PID1: variants seen among roughly 807,000 people sequenced by gnomAD.
PID1 encodes phosphotyrosine interaction domain containing 1, also known as PTB-containing, cubilin and LRP1-interacting protein.
A neutral mutation model predicts 19.1 loss-of-function variants in PID1; 10 were observed. The observed-to-expected ratio is 0.52, with a 90% confidence interval of 0.32 to 0.89. The LOEUF (loss-of-function observed/expected upper bound fraction) is 0.89. Ranked by LOEUF, PID1 falls within the 40% of genes least tolerant of loss-of-function variation. PID1 has a pLI of 0.03. For synonymous variants in PID1, 130 were observed against 116.0 expected, an observed-to-expected ratio of 1.12 and a Z score of -0.78; for missense variants, 248 against 285.3, an observed-to-expected ratio of 0.87 and a Z score of 0.94.
At chr2:229,035,449 C>T (rs1019325748) in intron 2 of PID1, among the ~76,000 whole-genome samples, 3 of 151,892 alleles carry the variant, frequency 2.0e-5, no homozygotes, top group African/African-American at 7.3e-5. Flanking sequence ...TCTCCCTCTC[C>T]ACCCCCCTCC....
intron 2 of PID1, among the ~76,000 whole-genome samples, chr2:229,115,709 C>A (rs1695397203): frequency 6.6e-6 from 1 of 152,174 alleles, no homozygotes; most frequent in Admixed American, 6.5e-5. Flanking sequence ...AATACTGACA[C>A]ACCAGGTGTG....
intron 1 of PID1, among the ~76,000 whole-genome samples, chr2:229,180,579 A>G (rs1305970415): frequency 2.0e-5 from 3 of 152,212 alleles, no homozygotes; most frequent in Non-Finnish European, 4.4e-5. Flanking sequence ...GCTGGATCAG[A>G]ATCTCTGGGG....
At chr2:229,133,886 A>T (rs1417787538) in intron 2 of PID1, among the ~76,000 whole-genome samples, 1 of 151,922 alleles carries the variant, frequency 6.6e-6, no homozygotes, top group Non-Finnish European at 1.5e-5. Context: ...GCACCCACTA[A>T]CTCATCATTT....
At chr2:229,181,021 C>T (rs554482344) in intron 1 of PID1, among the ~76,000 whole-genome samples, 16 of 152,360 alleles carry the variant, frequency 1.1e-4, no homozygotes, top group African/African-American at 3.6e-4. Context: ...GAGAACTCTC[C>T]CCGCGGCTCA....
chr2:229,228,147 T>C, intron 1 of PID1: 2 of 439,958 alleles, frequency 4.5e-6, no homozygotes, highest in South Asian at 3.2e-5. Context: ...GCAATTTTGA[T>C]GGGATCTTTG....
chr2:229,187,077 C>T (rs753885000), intron 1 of PID1, among the ~76,000 whole-genome samples: 2 of 152,214 alleles, frequency 1.3e-5, no homozygotes, highest in African/African-American at 2.4e-5. Flanking sequence ...ACAAGTTCCT[C>T]ATCTCCATCT....
chr2:229,030,497 A>G (rs1693523266), intron 2 of PID1, among the ~76,000 whole-genome samples: 1 of 152,182 alleles, frequency 6.6e-6, no homozygotes, highest in Non-Finnish European at 1.5e-5. Flanking sequence ...GCCTGAAATG[A>G]GGTATATTTA....
chr2:229,166,643 T>C (rs1690603710), intron 1 of PID1, among the ~76,000 whole-genome samples: 1 of 152,304 alleles, frequency 6.6e-6, no homozygotes, highest in South Asian at 2.1e-4. Context: ...TTAATCTCCA[T>C]GCTGACTTTG....
At chr2:229,167,035 G>A (rs983569975) in intron 1 of PID1, among the ~76,000 whole-genome samples, 1 of 150,804 alleles carries the variant, frequency 6.6e-6, no homozygotes. Context: ...GGAGAGAAAA[G>A]GAAGGAAGGA....
At chr2:229,108,095 G>T (rs62193224) in intron 2 of PID1, among the ~76,000 whole-genome samples, 3 of 64,606 alleles carry the variant, frequency 4.6e-5, no homozygotes, top group South Asian at 3.5e-4. Flanking sequence ...AACAAGAAAA[G>T]AAAAGAAAGA....
chr2:229,208,202 G>A (rs147100308), intron 1 of PID1, among the ~76,000 whole-genome samples: 196 of 152,174 alleles, frequency 1.3e-3, no homozygotes, highest in African/African-American at 4.6e-3. Flanking sequence ...CTGATACTTC[G>A]TTGCAAAATA....
chr2:229,183,708 C>T (rs545690330), intron 1 of PID1, among the ~76,000 whole-genome samples: 1 of 151,866 alleles, frequency 6.6e-6, no homozygotes, highest in African/African-American at 2.4e-5. Flanking sequence ...GAACTCCTAC[C>T]ATCATTTCTG....
At chr2:229,137,534 T>C (rs1390775217) in intron 2 of PID1, among the ~76,000 whole-genome samples, 1 of 152,232 alleles carries the variant, frequency 6.6e-6, no homozygotes, top group Admixed American at 6.5e-5. Context: ...TAGATACTAA[T>C]GGTTTCAATA....
At chr2:229,208,636 T>C (rs115730121) in intron 1 of PID1, among the ~76,000 whole-genome samples, 2,092 of 152,274 alleles carry the variant, frequency 0.014, 37 homozygotes, top group African/African-American at 0.047. Context: ...CCTTCCTCTT[T>C]GTCTTCTTTC....
chr2:229,206,891 G>A (rs1691620736), intron 1 of PID1, among the ~76,000 whole-genome samples: 1 of 152,168 alleles, frequency 6.6e-6, no homozygotes, highest in Non-Finnish European at 1.5e-5. Flanking sequence ...GAGGGATTTT[G>A]TTAGAATGCA....
intron 2 of PID1, among the ~76,000 whole-genome samples, chr2:229,041,369 T>C (rs1329959353): frequency 1.3e-5 from 2 of 152,178 alleles, no homozygotes; most frequent in African/African-American, 2.4e-5. Flanking sequence ...TAAATTATTA[T>C]AGTAATGATT....
intron 1 of PID1, among the ~76,000 whole-genome samples, chr2:229,211,975 C>A (rs1171358036): frequency 6.6e-6 from 1 of 152,208 alleles, no homozygotes; most frequent in Non-Finnish European, 1.5e-5. Context: ...AAATCAGAAT[C>A]TTAGTTGATC....
intron 1 of PID1, among the ~76,000 whole-genome samples, chr2:229,191,362 G>A (rs896285337): frequency 2.0e-5 from 3 of 152,140 alleles, no homozygotes; most frequent in Admixed American, 6.5e-5. Context: ...GAGCTTCTAA[G>A]GATGCCAACA....
chr2:229,091,885 T>C (rs1694884411), intron 2 of PID1, among the ~76,000 whole-genome samples: 1 of 152,216 alleles, frequency 6.6e-6, no homozygotes, highest in Non-Finnish European at 1.5e-5. Flanking sequence ...GTAACAAGTG[T>C]CTGCTGCCAG....
Sources: allele counts gnomAD v4.1 joint callset (sites outside exome capture counted in the v4.1 genomes callset), GRCh38; gene constraint gnomAD v4.1.1; transcripts MANE v1.5; gene names NCBI Gene and HGNC (gene_info 2026-07-23, HGNC 2026-07-21).